The following NR2C2 variants were observed in gnomAD, a reference collection of about 807,000 sequenced individuals.
NR2C2 encodes the protein Nuclear hormone receptor TR4.
A neutral mutation model predicts 62.9 loss-of-function variants in NR2C2; 6 were observed. The ratio of observed to expected loss-of-function variants is 0.10; its 90% CI spans 0.05 to 0.19. The LOEUF (loss-of-function observed/expected upper bound fraction) is 0.19, where lower values mean the gene tolerates loss of function less well. NR2C2 is among the 10% of genes least tolerant of loss of function. The probability of loss-of-function intolerance (pLI) is 1.00; values close to 1 mark genes in which losing one functional copy is unlikely to be tolerated. For missense variants in NR2C2, 479 were observed against 762.7 expected, an observed-to-expected ratio of 0.63 and a Z score of 4.38; for synonymous variants, 272 against 273.8, an observed-to-expected ratio of 0.99 and a Z score of 0.07.
intron 13 of NR2C2, among the ~76,000 whole-genome samples, chr3:15,041,560 G>C (rs986938430): frequency 6.6e-6 from 1 of 152,150 alleles, no homozygotes; most frequent in African/African-American, 2.4e-5. Flanking sequence ...TTTTTAAAAA[G>C]CACTATCCAG....
chr3:15,031,050 A>G (rs563529769), intron 9 of NR2C2, among the ~76,000 whole-genome samples: 1 of 152,288 alleles, frequency 6.6e-6, no homozygotes, highest in South Asian at 2.1e-4. Flanking sequence ...GTAACTGCTG[A>G]GGGCTGAATG....
chr3:15,007,547 G>C (rs765267344), intron 2 of NR2C2, among the ~76,000 whole-genome samples: 7 of 152,164 alleles, frequency 4.6e-5, no homozygotes, highest in Non-Finnish European at 7.3e-5. Flanking sequence ...GTTTCCTTGT[G>C]TATTGCCAGT....
rs148480019 is a variant in NR2C2, at chr3:14,970,966, T to C, written c.-40+23060T>C. ...AACCATTCTGTTTTTCAGTACAGTA[T>C]TTAATAAATTACATGAGAAATTCAA... On this transcript the variant is annotated intron_variant, in intron 1 of 13. Transcript: ENST00000425241. Among the ~76,000 whole-genome samples, 26 of 152,374 alleles carry C rather than the reference T, an allele frequency of 1.7e-4. No homozygotes were observed. The East Asian group carries it at 3.9e-3, about 23-fold the overall frequency.
At chr3:15,029,145 A>G (rs1285861087) in intron 8 of NR2C2, among the ~76,000 whole-genome samples, 1 of 144,808 alleles carries the variant, frequency 6.9e-6, no homozygotes, top group East Asian at 2.0e-4. Context: ...GAGTCTCACC[A>G]TGTTGCCTAG....
At chr3:15,015,961 T>C (rs2041498740) in intron 3 of NR2C2, among the ~76,000 whole-genome samples, 191 bp from the exon 4 acceptor site, 1 of 151,956 alleles carries the variant, frequency 6.6e-6, no homozygotes, top group African/African-American at 2.4e-5. Flanking sequence ...CACCACCACA[T>C]TTGACTAATT....
rs1216334610 is a variant in NR2C2, at chr3:15,038,058, G to A, written c.1431G>A (p.Glu477=). 1.9e-6 allele frequency: 3 copies of A among 1,614,186 alleles called. No individual in the cohort carries two copies. Among genetic ancestry groups the A allele is most frequent in the Non-Finnish European group, 2.5e-6 (3 of 1,180,040 alleles). The part of the protein sequence containing the change: ...QVMEHIWKLQ[E]FCNSMAKLDI... ...TGGAGCACATCTGGAAGCTGCAGGA[G>A]TTCTGTAACAGCATGGCGAAGCTGG... is the stretch of plus-strand genomic sequence containing the variant. The change falls in exon 12 of 14, where the codon GAG becomes GAA. Residue 477 remains glutamate (E), a synonymous_variant. Coordinates refer to ENST00000425241, the MANE Select transcript of NR2C2 (RefSeq NM_001291694.2).
intron 7 of NR2C2, chr3:15,026,610 T>G (rs1233177370): frequency 6.6e-6 from 1 of 152,250 alleles, no homozygotes; most frequent in Non-Finnish European, 1.5e-5. Context: ...CTTTTGTGGC[T>G]GGCTTCTTTC....
intron 1 of NR2C2, among the ~76,000 whole-genome samples, chr3:14,992,435 G>C (rs139300003): frequency 1.3e-4 from 20 of 152,212 alleles, no homozygotes; most frequent in African/African-American, 4.1e-4. Context: ...CAGAGTCCCA[G>C]GATCAAAGGC....
At chr3:14,981,780 G>T (rs1382458022) in intron 1 of NR2C2, among the ~76,000 whole-genome samples, 3 of 152,106 alleles carry the variant, frequency 2.0e-5, no homozygotes, top group African/African-American at 7.2e-5. Flanking sequence ...CCCCTGGCAG[G>T]CCACTGGTAT....
At chr3:14,976,602 C>CT (rs533538010) in intron 1 of NR2C2, among the ~76,000 whole-genome samples, 1,295 of 90,682 alleles carry the variant, frequency 0.014, 28 homozygotes, top group East Asian at 0.025. Flanking sequence ...TCCTTCCTTC[C>CT]TTTTTTTTTT....
intron 13 of NR2C2, among the ~76,000 whole-genome samples, chr3:15,041,025 A>G (rs749910451): frequency 6.6e-5 from 10 of 152,152 alleles, no homozygotes; most frequent in Non-Finnish European, 1.3e-4. Flanking sequence ...TGAAAACATC[A>G]TGAGTCACTC....
rs755314681 is a variant in NR2C2, at chr3:15,043,286, C to CA, written c.*287dup. 159 of 234,454 alleles carry CA rather than the reference C, an allele frequency of 6.8e-4. No homozygotes were observed. Among genetic ancestry groups the CA allele is most frequent in the East Asian group, 8.9e-4 (11 of 12,412 alleles). 14.5% of individuals were successfully genotyped at this position (234,454 alleles called of 1,614,324 possible). ...TTAGAAATTCTCAAAGGGCAAAAAACAAAAAAAAAGGTTTTATAATGTCAG... is the reference window on the plus strand; with the variant it reads ...TTAGAAATTCTCAAAGGGCAAAAAACAAAAAAAAAAGGTTTTATAATGTCAG... On this transcript the variant is annotated 3_prime_UTR_variant, in exon 14 of 14. Transcript: ENST00000425241.
At chr3:15,035,706 A>G (rs2042085688) in intron 11 of NR2C2, among the ~76,000 whole-genome samples, 1 of 152,110 alleles carries the variant, frequency 6.6e-6, no homozygotes, top group Non-Finnish European at 1.5e-5. Context: ...CTTGGCCAAC[A>G]TGGTGAAACC....
At chr3:15,031,870 A>G (rs1262695481) in intron 9 of NR2C2, among the ~76,000 whole-genome samples, 5 of 152,086 alleles carry the variant, frequency 3.3e-5, no homozygotes, top group Admixed American at 3.3e-4. Context: ...CTGGAACTAC[A>G]GGTGCATGCC....
chr3:14,997,794 T>A (rs1369548713), intron 1 of NR2C2, among the ~76,000 whole-genome samples: 1 of 152,234 alleles, frequency 6.6e-6, no homozygotes, highest in Non-Finnish European at 1.5e-5. Flanking sequence ...AATTGAGATA[T>A]AATTCACATA....
chr3:15,044,615 C>T lies in NR2C2; in HGVS notation c.*1607C>T, dbSNP rs962064606. The T allele has an allele frequency of 6.6e-6, 1 of 152,148 alleles. No homozygotes were observed. The highest frequency in any genetic ancestry group is 2.4e-5 in the African/African-American group (1 of 41,416). The allele number at this position is 152,148 out of a possible 1,614,324, so 9.4% of individuals were successfully genotyped here. On this transcript the variant is annotated 3_prime_UTR_variant, in exon 14 of 14. Coordinates refer to ENST00000425241, the MANE Select transcript of NR2C2 (RefSeq NM_001291694.2). The stretch of plus-strand genomic sequence containing the variant: ...AATAGTCCAGATTAAGAAAATACAC[C>T]CTGTTGGGTTAAATTTGCCTCTCTT...
At chr3:14,948,740 T>TA (rs2039237064) in intron 1 of NR2C2, 1 of 152,256 alleles carries the variant, frequency 6.6e-6, no homozygotes, top group South Asian at 2.1e-4. Flanking sequence ...GATGAAGCAT[T>TA]TCGAGTCCAC....
chr3:15,005,456 A>G (rs974171445), intron 2 of NR2C2, among the ~76,000 whole-genome samples: 4 of 145,616 alleles, frequency 2.7e-5, no homozygotes, highest in South Asian at 2.2e-4. Context: ...AGCTCAAGCA[A>G]TCCACCTGCC....
intron 1 of NR2C2, among the ~76,000 whole-genome samples, chr3:14,987,526 T>A (rs1574966136): frequency 6.6e-6 from 1 of 152,256 alleles, no homozygotes; most frequent in African/African-American, 2.4e-5. Flanking sequence ...AAGTTTTTTT[T>A]AATTATAAAA....
Sources: allele counts gnomAD v4.1 joint callset (sites outside exome capture counted in the v4.1 genomes callset), GRCh38; gene constraint gnomAD v4.1.1; transcripts MANE v1.5; gene names NCBI Gene and HGNC (gene_info 2026-07-23, HGNC 2026-07-21).